The following GALNT9 variants were observed in gnomAD, a reference collection of about 807,000 sequenced individuals.
The protein encoded by GALNT9 is GalNAc transferase 9.
In GALNT9, 47 loss-of-function variants were observed where a neutral mutation model predicts 63.1. The ratio of observed to expected loss-of-function variants is 0.75; its 90% CI spans 0.59 to 0.95. GALNT9 has a LOEUF of 0.95. GALNT9 is among the 40% of genes least tolerant of loss of function. The probability of loss-of-function intolerance (pLI) is 0.00; values close to 1 mark genes in which losing one functional copy is unlikely to be tolerated. For missense variants in GALNT9, 829 were observed against 874.8 expected (o/e 0.95, Z 0.66); for synonymous variants, 396 against 365.7 (o/e 1.08, Z -0.94).
intron 7 of GALNT9, among the ~76,000 whole-genome samples, chr12:132,203,055 G>T (rs1319702629): frequency 1.3e-5 from 2 of 152,146 alleles, no homozygotes; most frequent in East Asian, 3.9e-4. Context: ...TGGCGCTGAG[G>T]ACGGGAAGCC....
Position 132,319,613 on chromosome 12 carries a change from C to G in GALNT9, c.238+9353G>C, listed in dbSNP as rs1488475072. Among the ~76,000 whole-genome samples the G allele has an allele frequency of 2.6e-5, 4 of 152,138 alleles. No individual in the cohort carries two copies. Among genetic ancestry groups the G allele is most frequent in the Non-Finnish European group, 5.9e-5 (4 of 68,024 alleles). On this transcript the variant is annotated intron_variant, in intron 1 of 10. Transcript: ENST00000328957. The surrounding 1 kb of genome is among the most constrained non-coding windows in gnomAD (Gnocchi z 5.2). The stretch of plus-strand genomic sequence containing the variant: ...CTCTCTATCCGCCGGCTCCTTTCCT[C>G]GGGAGAGCCCTGACGCACACACTAG...
At chr12:132,237,414 C>A (rs2136895388) in intron 6 of GALNT9, among the ~76,000 whole-genome samples, 2 of 152,082 alleles carry the variant, frequency 1.3e-5, no homozygotes, top group South Asian at 2.1e-4. Flanking sequence ...TGCCCAAACA[C>A]CTGCCTACAC....
chr12:132,297,245 C>T (rs781913655), intron 1 of GALNT9, among the ~76,000 whole-genome samples: 1 of 149,946 alleles, frequency 6.7e-6, no homozygotes, highest in Non-Finnish European at 1.5e-5. Context: ...CCAACTCACT[C>T]GAGATAACTA....
chr12:132,271,724 A>T lies in GALNT9; in HGVS notation c.420-9099T>A, dbSNP rs543557120. On this transcript the variant is annotated intron_variant, in intron 2 of 10. Transcript: ENST00000328957. ...CCCTGCCGAAGGCTGTTTCAGGTTC[A>T]GGCTTGGCCGAGGTCCCAAGTCAAC... is the stretch of plus-strand genomic sequence containing the variant. Among the ~76,000 whole-genome samples, 3 of 152,266 alleles carry T rather than the reference A, an allele frequency of 2.0e-5. No individual in the cohort carries two copies. In the East Asian group the frequency reaches 5.8e-4, roughly 30 times the overall value.
rs1555245062 is a variant in GALNT9 at position 132,310,262 on chromosome 12, G to A, written c.238+18704C>T. Among the ~76,000 whole-genome samples, 1 of 152,162 alleles carries A rather than the reference G, an allele frequency of 6.6e-6. No individual in the cohort carries two copies. Among genetic ancestry groups the A allele is most frequent in the South Asian group, 2.1e-4 (1 of 4,814 alleles). On this transcript the variant is annotated intron_variant, in intron 1 of 10. Coordinates refer to ENST00000328957, the MANE Select transcript of GALNT9 (RefSeq NM_001122636.2). This position sits in a 1 kb window ranked among gnomAD's most constrained non-coding sequence, Gnocchi z 4.8. ...CCCTCCAGGTCTCACCGGCCACACC[G>A]CGGTTCGGCATTTCAGTTGGGGTCG...
chr12:132,199,350 GC>G, intron 8 of GALNT9, 81 bp from the exon 9 acceptor site: 1 of 1,027,100 alleles, frequency 9.7e-7, no homozygotes, highest in Non-Finnish European at 1.5e-6. Flanking sequence ...CAGCTCTGCA[GC>G]CAGCACCTAA....
In GALNT9 at chr12:132,329,055, C is replaced by T. The variant is rs1555246741; in HGVS notation, c.149G>A (p.Arg50Gln). ...CCCCAGCGTGCCCACCTTGGCGTGTCGGCTGCGCACCCGGCGGTCGCCGCT... is the reference window on the plus strand; with the variant it reads ...CCCCAGCGTGCCCACCTTGGCGTGTTGGCTGCGCACCCGGCGGTCGCCGCT... Reference protein sequence around the residue: ...IVSGDRRVRSRHAKVGTLGDR... With the variant: ...IVSGDRRVRSQHAKVGTLGDR... The change falls in exon 1 of 11, where the codon CGA becomes CAA. Residue 50 changes from arginine to glutamine, a missense_variant. Transcript: ENST00000328957. The T allele has an allele frequency of 1.9e-6, 3 of 1,546,692 alleles. No individual in the cohort carries two copies. Among genetic ancestry groups the T allele is most frequent in the Non-Finnish European group, 1.7e-6 (2 of 1,146,306 alleles).
chr12:132,213,801 G>A (rs1245985655), intron 6 of GALNT9, among the ~76,000 whole-genome samples: 2 of 152,264 alleles, frequency 1.3e-5, no homozygotes, highest in African/African-American at 4.8e-5. Flanking sequence ...CTTGCTGCCA[G>A]CTCTCTCGAG....
intron 6 of GALNT9, among the ~76,000 whole-genome samples, chr12:132,247,061 C>T (rs1555238044): frequency 6.6e-6 from 1 of 152,194 alleles, no homozygotes; most frequent in Non-Finnish European, 1.5e-5. Context: ...ACAAAGGAAA[C>T]CAAACGAAAC....
At chr12:132,208,067 C>A (rs140856677) in intron 6 of GALNT9, among the ~76,000 whole-genome samples, 1 of 152,208 alleles carries the variant, frequency 6.6e-6, no homozygotes, top group Non-Finnish European at 1.5e-5. Flanking sequence ...CCGCGCTCCC[C>A]GGGAGATTGA....
chr12:132,286,417 G>C lies in GALNT9; in HGVS notation c.252C>G (p.Pro84=). ...VYNQLNGLAK[P]IGLVEGPGGL... is the part of the protein sequence containing the mutation. ...CTCCTGGCCCCTCCACCAGGCCGAT[G>C]GGCTTGGCAAGGCCTGGGGGAAAGG... is the stretch of plus-strand genomic sequence containing the variant. Residue 84 remains proline (P), a synonymous_variant, in exon 2 of 11, where the codon CCC becomes CCG. Transcript: ENST00000328957. The surrounding 1 kb of genome is among the most constrained non-coding windows in gnomAD (Gnocchi z 7.4). The C allele has an allele frequency of 6.5e-7, 1 of 1,550,060 alleles. No individual in the cohort carries two copies. The highest frequency in any genetic ancestry group is 8.7e-7 in the Non-Finnish European group (1 of 1,146,584).
chr12:132,270,233 C>T (rs1433741742), intron 2 of GALNT9, among the ~76,000 whole-genome samples: 3 of 152,244 alleles, frequency 2.0e-5, no homozygotes, highest in African/African-American at 7.2e-5. Flanking sequence ...CAGTGAGCAC[C>T]TCTGATCCTG....
chr12:132,288,142 G>A (rs1347132908), intron 1 of GALNT9, among the ~76,000 whole-genome samples: 2 of 152,156 alleles, frequency 1.3e-5, no homozygotes, highest in African/African-American at 4.8e-5. Context: ...GATCTCTGTA[G>A]GATTCCTGCT....
chr12:132,239,326 A>AGACACACACT (rs1878127524), intron 6 of GALNT9, among the ~76,000 whole-genome samples: 1 of 30,954 alleles, frequency 3.2e-5, no homozygotes, highest in Non-Finnish European at 5.7e-5. Context: ...AGACTGAGAG[A>AGACACACACT]GAGAGACAGA....
At chr12:132,302,874 G>A (rs1431358719) in intron 1 of GALNT9, among the ~76,000 whole-genome samples, 1 of 152,190 alleles carries the variant, frequency 6.6e-6, no homozygotes, top group African/African-American at 2.4e-5. Context: ...GTAGGAAGTG[G>A]GAGCGCAGAG....
In GALNT9 at chr12:132,244,786, TGGTGATGGGGCTGGACGGGC is replaced by T. The variant is rs1878643929; in HGVS notation, c.1077+3104_1077+3123del. 5.0e-5 allele frequency among the ~76,000 whole-genome samples: 3 copies of T among 59,748 alleles called. 1 individual carries two copies. The highest frequency in any genetic ancestry group is 1.5e-4 in the African/African-American group (2 of 13,362). 39.2% of individuals were successfully genotyped at this position (59,748 alleles called of 152,430 possible). A position where few individuals can be genotyped will look rare whatever the true frequency, so the allele number is the denominator to read the frequency against. On this transcript the variant is annotated intron_variant, in intron 6 of 10. Transcript: ENST00000328957. ...GTGGTGATGGGGCTGGACGGGGGCG[TGGTGATGGGGCTGGACGGGC>T]AGCATGGTGATGGAGTTGGACGGGG... is the stretch of plus-strand genomic sequence containing the variant.
intron 1 of GALNT9, among the ~76,000 whole-genome samples, chr12:132,287,236 G>A (rs368583874): frequency 3.9e-5 from 6 of 152,174 alleles, no homozygotes; most frequent in African/African-American, 1.2e-4. Flanking sequence ...AGTCACACAC[G>A]TTCACGCCCA....
chr12:132,256,288 G>A (rs1029951087), intron 5 of GALNT9, among the ~76,000 whole-genome samples: 1 of 151,672 alleles, frequency 6.6e-6, no homozygotes, highest in Non-Finnish European at 1.5e-5. Flanking sequence ...CAGGAATCAC[G>A]CAGACACTCT....
chr12:132,267,771 TCACACACACG>T (rs1333553754), intron 2 of GALNT9, among the ~76,000 whole-genome samples: 3 of 124,084 alleles, frequency 2.4e-5, no homozygotes, highest in Admixed American at 7.8e-5. Context: ...ACACATGCAC[TCACACACACG>T]CACACACACG....
Sources: allele counts gnomAD v4.1 joint callset (sites outside exome capture counted in the v4.1 genomes callset), GRCh38; gene constraint gnomAD v4.1.1; non-coding constraint Gnocchi (gnomAD v3.1); transcripts MANE v1.5; gene names NCBI Gene and HGNC (gene_info 2026-07-23, HGNC 2026-07-21).